The following AGAP1 variants were observed in gnomAD, a reference collection of about 807,000 sequenced individuals.
The protein encoded by AGAP1 is ArfGAP with GTPase domain, ankyrin repeat and PH domain 1, also known as arf-GAP with GTPase, ANK repeat and PH domain-containing protein 1.
Under a neutral mutation model 105.3 loss-of-function variants are expected in AGAP1, and 29 were observed. The ratio of observed to expected loss-of-function variants is 0.28; its 90% confidence interval spans 0.21 to 0.38. AGAP1 has a LOEUF of 0.38. Ranked by LOEUF, AGAP1 falls within the 10% of genes least tolerant of loss-of-function variation. The pLI is 1.00. For missense variants in AGAP1, 998 were observed against 1,165.1 expected (o/e 0.86, Z 2.09); for synonymous variants, 509 against 485.9 (o/e 1.05, Z -0.63).
chr2:236,018,570 T>C (rs2056786200), intron 13 of AGAP1, among the ~76,000 whole-genome samples: 1 of 152,172 alleles, frequency 6.6e-6, no homozygotes, highest in African/African-American at 2.4e-5. Flanking sequence ...AAGCTCTCTG[T>C]TTTTGCAGAA....
In AGAP1 at chr2:235,795,124, G is replaced by T. The variant is rs1382457371; in HGVS notation, c.674-2635G>T. Among the ~76,000 whole-genome samples, 5 of 152,228 alleles carry T rather than the reference G, an allele frequency of 3.3e-5. No individual in the cohort carries two copies. In the East Asian group the frequency reaches 9.7e-4, roughly 29 times the overall value. On this transcript the variant is annotated intron_variant, in intron 6 of 17. Coordinates refer to ENST00000304032, the MANE Select transcript of AGAP1 (RefSeq NM_001037131.3). Reference sequence around the variant, plus strand: ...TGAGTTGTTTTTTTGGGGTGGGAATGGAGGGGGGTTCCTCCACTCACATAG... The same window carrying T: ...TGAGTTGTTTTTTTGGGGTGGGAATTGAGGGGGGTTCCTCCACTCACATAG...
In AGAP1 at chr2:236,044,698, C is replaced by T. The variant is rs531926046; in HGVS notation, c.1891+3857C>T. ...TAGCTTGGCCCACAAATAGAACCTC[C>T]GGTCCCGCAACGTCGGGTCTCCTTC... On this transcript the variant is annotated intron_variant, in intron 15 of 17. Coordinates refer to ENST00000304032, the MANE Select transcript of AGAP1 (RefSeq NM_001037131.3). The surrounding 1 kb of genome is among the most constrained non-coding windows in gnomAD (Gnocchi z 5.7). 1.0e-3 allele frequency among the ~76,000 whole-genome samples: 157 copies of T among 152,204 alleles called. No homozygotes were observed. Among genetic ancestry groups the T allele is most frequent in the African/African-American group, 3.5e-3 (147 of 41,520 alleles).
chr2:235,939,423 C>G (rs538276537), intron 12 of AGAP1, among the ~76,000 whole-genome samples: 3 of 152,248 alleles, frequency 2.0e-5, no homozygotes, highest in African/African-American at 7.2e-5. Context: ...TCCGCGGACA[C>G]CCTCTCTCCT....
In AGAP1 at chr2:235,970,327, G is replaced by GACCT. The variant is rs1201372665; in HGVS notation, c.1645+1705_1645+1708dup. On this transcript the variant is annotated intron_variant, in intron 13 of 17. Coordinates refer to ENST00000304032, the MANE Select transcript of AGAP1 (RefSeq NM_001037131.3). The surrounding 1 kb of genome is among the most constrained non-coding windows in gnomAD (Gnocchi z 5.4). ...GGTCAGAGCAGCCACAGATGCCACT[G>GACCT]ACCTTCCCACTGAAAACAGTATCAG... 1.3e-5 allele frequency among the ~76,000 whole-genome samples: 2 copies of GACCT among 152,022 alleles called. No individual in the cohort carries two copies. Among genetic ancestry groups the GACCT allele is most frequent in the Non-Finnish European group, 2.9e-5 (2 of 68,018 alleles).
At chr2:236,097,250 T>G (rs375138037) in intron 16 of AGAP1, among the ~76,000 whole-genome samples, 1 of 152,046 alleles carries the variant, frequency 6.6e-6, no homozygotes, top group South Asian at 2.1e-4. Context: ...ATAATGTGGG[T>G]CTTCAAAATG....
intron 1 of AGAP1, among the ~76,000 whole-genome samples, chr2:235,548,414 C>T (rs1455586236): frequency 2.0e-5 from 3 of 152,148 alleles, no homozygotes; most frequent in African/African-American, 7.2e-5. Context: ...AATCCCAGCA[C>T]TCTGGGAGGT....
chr2:235,670,825 C>A, intron 1 of AGAP1: 1 of 1,416,888 alleles, frequency 7.1e-7, no homozygotes, highest in Non-Finnish European at 9.3e-7. Flanking sequence ...TGGACAACAG[C>A]GACCTGCAGC....
chr2:235,904,396 G>A lies in AGAP1; in HGVS notation c.1156-4342G>A, dbSNP rs766489332. Among the ~76,000 whole-genome samples, 1 of 152,152 alleles carries A rather than the reference G, an allele frequency of 6.6e-6. No individual in the cohort carries two copies. Among genetic ancestry groups the A allele is most frequent in the Non-Finnish European group, 1.5e-5 (1 of 68,036 alleles). ...CAACTTGAGAAGGAAAATGCAAATA[G>A]GTTTGCAATTACTACTTTTTCAAGC... On this transcript the variant is annotated intron_variant, in intron 10 of 17. Transcript: ENST00000304032. The surrounding 1 kb of genome is among the most constrained non-coding windows in gnomAD (Gnocchi z 4.2).
At chr2:235,745,505 A>G (rs1952858850) in intron 5 of AGAP1, among the ~76,000 whole-genome samples, 1 of 152,184 alleles carries the variant, frequency 6.6e-6, no homozygotes. Flanking sequence ...AGGGTCTAAG[A>G]TGTCACGTAG....
At chr2:235,630,891 G>T (rs185927607) in intron 1 of AGAP1, among the ~76,000 whole-genome samples, 2 of 152,282 alleles carry the variant, frequency 1.3e-5, no homozygotes, top group East Asian at 3.9e-4. Flanking sequence ...GCCCGTTGCG[G>T]GTCTGCATAA....
chr2:235,772,397 A>G (rs945833035), intron 6 of AGAP1, among the ~76,000 whole-genome samples: 2 of 152,144 alleles, frequency 1.3e-5, no homozygotes, highest in Non-Finnish European at 2.9e-5. Flanking sequence ...TTCCCTAAAG[A>G]CAGCTGTTGA....
rs1033558193 is a variant in AGAP1 at position 235,517,403 on chromosome 2, G to A, written c.163+22554G>A. ...TTTGTCACTGATGTAGTAGCATCAC[G>A]AGTGTTTCGTCACTTAACCCAGAGC... is the stretch of plus-strand genomic sequence containing the variant. On this transcript the variant is annotated intron_variant, in intron 1 of 17. Transcript: ENST00000304032. The surrounding 1 kb of genome is among the most constrained non-coding windows in gnomAD (Gnocchi z 4.1). Among the ~76,000 whole-genome samples, 5 of 152,152 alleles carry A rather than the reference G, an allele frequency of 3.3e-5. No individual in the cohort carries two copies. The highest frequency in any genetic ancestry group is 1.2e-4 in the African/African-American group (5 of 41,432).
At chr2:235,898,359 G>A (rs1226188303) in intron 10 of AGAP1, among the ~76,000 whole-genome samples, 1 of 150,624 alleles carries the variant, frequency 6.6e-6, no homozygotes, top group East Asian at 2.0e-4. Context: ...ACGGCATTTT[G>A]CAATAAAAAT....
chr2:235,708,040 A>G (rs1353000066), intron 1 of AGAP1, among the ~76,000 whole-genome samples: 1 of 152,156 alleles, frequency 6.6e-6, no homozygotes, highest in Non-Finnish European at 1.5e-5. Context: ...CTCCTGTGTC[A>G]CACCCATGGT....
intron 13 of AGAP1, among the ~76,000 whole-genome samples, chr2:235,969,951 C>T (rs1409627515): frequency 6.6e-6 from 1 of 152,084 alleles, no homozygotes; most frequent in Non-Finnish European, 1.5e-5. Context: ...CCTGTAATCC[C>T]AGCACTTTGG....
chr2:235,582,587 A>G lies in AGAP1; in HGVS notation c.163+87738A>G, dbSNP rs913881644. ...GCCACATTTTGAGCTTCTCAGATAT[A>G]AAAGAAGGATTCTTTGGGGGAGGAC... On this transcript the variant is annotated intron_variant, in intron 1 of 17. Transcript: ENST00000304032. The surrounding 1 kb of genome is among the most constrained non-coding windows in gnomAD (Gnocchi z 4.7). 1.3e-5 allele frequency among the ~76,000 whole-genome samples: 2 copies of G among 152,208 alleles called. No homozygotes were observed. The highest frequency in any genetic ancestry group is 6.5e-5 in the Admixed American group (1 of 15,278).
chr2:236,002,246 A>G lies in AGAP1; in HGVS notation c.1645+33623A>G, dbSNP rs2056152069. ...GGGCACTGAAAATAAACAGACAAAC[A>G]CAACATGACCCACGCACCCAGCCTG... On this transcript the variant is annotated intron_variant, in intron 13 of 17. Transcript: ENST00000304032. The surrounding 1 kb of genome is among the most constrained non-coding windows in gnomAD (Gnocchi z 4.3). Among the ~76,000 whole-genome samples the G allele has an allele frequency of 6.6e-6, 1 of 152,176 alleles. No individual in the cohort carries two copies. The highest frequency in any genetic ancestry group is 6.5e-5 in the Admixed American group (1 of 15,288).
Position 236,044,119 on chromosome 2 carries a change from GT to G in AGAP1, c.1891+3279del, listed in dbSNP as rs781363956. Reference sequence around the variant, plus strand: ...GTCTATAAAGGGATTCTGAGAGCCAGTGAATTTGGGAAACTCTTAACAACGT... The same window carrying G: ...GTCTATAAAGGGATTCTGAGAGCCAGGAATTTGGGAAACTCTTAACAACGT... On this transcript the variant is annotated intron_variant, in intron 15 of 17. Coordinates refer to ENST00000304032, the MANE Select transcript of AGAP1 (RefSeq NM_001037131.3). The surrounding 1 kb of genome is among the most constrained non-coding windows in gnomAD (Gnocchi z 5.7). 0.011 allele frequency among the ~76,000 whole-genome samples: 1,655 copies of G among 149,180 alleles called. 11 individuals are homozygous for G. Among genetic ancestry groups the G allele is most frequent in the Non-Finnish European group, 0.016 (1,092 of 66,330 alleles).
chr2:235,671,155 C>G, intron 1 of AGAP1: 2 of 1,199,952 alleles, frequency 1.7e-6, no homozygotes, highest in Non-Finnish European at 2.1e-6. Context: ...GGGTCGGGAG[C>G]CTGCACGTGG....
Sources: allele counts gnomAD v4.1 joint callset (sites outside exome capture counted in the v4.1 genomes callset), GRCh38; gene constraint gnomAD v4.1.1; non-coding constraint Gnocchi (gnomAD v3.1); transcripts MANE v1.5; gene names NCBI Gene and HGNC (gene_info 2026-07-23, HGNC 2026-07-21).